PLAGL1: variants seen among roughly 807,000 people sequenced by gnomAD.
The protein encoded by PLAGL1 is PLAG1 like zinc finger 1.
Under a neutral mutation model 4.6 loss-of-function variants are expected in PLAGL1, and 1 was observed. The observed-to-expected ratio is 0.22, with a 90% confidence interval of 0.08 to 1.03. The LOEUF (loss-of-function observed/expected upper bound fraction) is 1.03, where lower values mean the gene tolerates loss of function less well. Ranked by LOEUF, PLAGL1 falls within the 50% of genes least tolerant of loss-of-function variation. The pLI is 0.58. For missense variants in PLAGL1, 464 were observed against 570.4 expected (o/e 0.81, Z 1.90); for synonymous variants, 240 against 237.8 (o/e 1.01, Z -0.08).
rs1780794962 is a variant in PLAGL1 at position 143,950,395 on chromosome 6, T to C, written c.-324-1935A>G. On this transcript the variant is annotated intron_variant, in intron 6 of 7. Coordinates refer to ENST00000674357, the MANE Select transcript of PLAGL1 (RefSeq NM_001317162.2). This position sits in a 1 kb window ranked among gnomAD's most constrained non-coding sequence, Gnocchi z 6.3. The stretch of plus-strand genomic sequence containing the variant: ...TCAACAGCCCTGGTCACAAACAAAA[T>C]AACTCCTTCTAGGAATTCTATTCCG... Among the ~76,000 whole-genome samples the C allele has an allele frequency of 6.6e-6, 1 of 152,168 alleles. No homozygotes were observed. The highest frequency in any genetic ancestry group is 2.4e-5 in the African/African-American group (1 of 41,446).
rs769332223 is a variant in PLAGL1 at position 143,941,634 on chromosome 6, G to A, written c.1182C>T (p.Thr394=). ...LGFWQLPPPA[T]QNTFGNSTLA... is the part of the protein sequence containing the mutation. ...GAGTGCTATTCCCAAAGGTATTTTG[G>A]GTAGCAGGAGGGGGCAGCTGCCAGA... Residue 394 remains threonine, a synonymous_variant, in exon 8 of 8, where the codon ACC becomes ACT. Transcript: ENST00000674357. This position sits in a 1 kb window ranked among gnomAD's most constrained non-coding sequence, Gnocchi z 6.0. 2 of 1,614,170 alleles carry A rather than the reference G, an allele frequency of 1.2e-6. No individual in the cohort carries two copies. The highest frequency in any genetic ancestry group is 2.2e-5 in the South Asian group (2 of 91,078).
intron 1 of PLAGL1, among the ~76,000 whole-genome samples, chr6:143,993,450 C>T (rs961580818): frequency 9.9e-5 from 15 of 151,444 alleles, no homozygotes; most frequent in Non-Finnish European, 1.8e-4. Context: ...AAGAACTATC[C>T]GGTTTCCAGG....
In PLAGL1 at chr6:144,005,133, C is replaced by T. The variant is rs538554917; in HGVS notation, c.-584+2957G>A. 2 of 151,924 alleles carry T rather than the reference C, an allele frequency of 1.3e-5. No individual in the cohort carries two copies. Among genetic ancestry groups the T allele is most frequent in the African/African-American group, 2.4e-5 (1 of 41,374 alleles). 9.4% of individuals were successfully genotyped at this position (151,924 alleles called of 1,614,324 possible). A position where few individuals can be genotyped will look rare whatever the true frequency, so the allele number is the denominator to read the frequency against. On this transcript the variant is annotated intron_variant, in intron 1 of 7. Coordinates refer to ENST00000674357, the MANE Select transcript of PLAGL1 (RefSeq NM_001317162.2). This position sits in a 1 kb window ranked among gnomAD's most constrained non-coding sequence, Gnocchi z 4.6. Reference sequence around the variant, plus strand: ...GCAGTTAAAACCATAAAGCAATTCTCGAATTTCAAAGAATTGTTGGCCTTG... The same window carrying T: ...GCAGTTAAAACCATAAAGCAATTCTTGAATTTCAAAGAATTGTTGGCCTTG...
chr6:144,012,161 T>A (rs1180002811), upstream of PLAGL1, among the ~76,000 whole-genome samples: 1 of 152,158 alleles, frequency 6.6e-6, no homozygotes, highest in Non-Finnish European at 1.5e-5. This position sits in a 1 kb window ranked among gnomAD's most constrained non-coding sequence, Gnocchi z 4.8. Context: ...ACTTTTTTCT[T>A]CTTTGGTTGC....
upstream of PLAGL1, among the ~76,000 whole-genome samples, chr6:144,012,644 C>T (rs1670833568): frequency 1.3e-5 from 2 of 152,054 alleles, no homozygotes; most frequent in South Asian, 4.2e-4. The surrounding 1 kb of genome is among the most constrained non-coding windows in gnomAD (Gnocchi z 4.8). Context: ...ATATGAAATC[C>T]TTTTTTATCT....
At chr6:144,029,990 A>G (rs1796676473) in intron 1 of PLAGL1, among the ~76,000 whole-genome samples, 1 of 152,294 alleles carries the variant, frequency 6.6e-6, no homozygotes, top group African/African-American at 2.4e-5. Context: ...GCGGTGGCTC[A>G]CGCCTGTAAT....
At chr6:143,991,273 C>T (rs888795764) in intron 1 of PLAGL1, among the ~76,000 whole-genome samples, 1 of 152,140 alleles carries the variant, frequency 6.6e-6, no homozygotes, top group African/African-American at 2.4e-5. Context: ...ATTATGCAGA[C>T]CAACTAAGTT....
chr6:143,988,057 G>A (rs1789604269), intron 1 of PLAGL1, among the ~76,000 whole-genome samples: 1 of 152,146 alleles, frequency 6.6e-6, no homozygotes, highest in Non-Finnish European at 1.5e-5. Context: ...GATAAAAACT[G>A]AGAAACACTT....
intron 1 of PLAGL1, among the ~76,000 whole-genome samples, chr6:144,035,882 C>T (rs541630157): frequency 1.3e-3 from 200 of 152,022 alleles, no homozygotes; most frequent in Admixed American, 2.9e-3. Flanking sequence ...TACTAGAGGC[C>T]CTCAAATCAA....
At chr6:144,037,177 A>G (rs1797304354) in intron 1 of PLAGL1, 1 of 153,310 alleles carries the variant, frequency 6.5e-6, no homozygotes. Flanking sequence ...CCACTGAACC[A>G]TTTAAACAGA....
At chr6:143,992,262 C>T (rs1054537960) in intron 1 of PLAGL1, among the ~76,000 whole-genome samples, 21 of 152,194 alleles carry the variant, frequency 1.4e-4, no homozygotes, top group Non-Finnish European at 5.9e-5. Flanking sequence ...TTTTGAACCA[C>T]AGTGGCTGAG....
At chr6:144,019,376 G>T (rs1795807088) in intron 1 of PLAGL1, among the ~76,000 whole-genome samples, 1 of 152,228 alleles carries the variant, frequency 6.6e-6, no homozygotes, top group Admixed American at 6.5e-5. Context: ...GGAGGCTGAG[G>T]CAGGATAGTT....
chr6:143,943,646 TTAAAGG>T (rs1301494809), intron 7 of PLAGL1, among the ~76,000 whole-genome samples: 1 of 151,782 alleles, frequency 6.6e-6, no homozygotes, highest in African/African-American at 2.4e-5. Flanking sequence ...GACTTACTTC[TTAAAGG>T]TCACTGGTAA....
intron 2 of PLAGL1, among the ~76,000 whole-genome samples, chr6:143,977,470 CTTTTT>C (rs34750629): frequency 1.3e-4 from 9 of 69,310 alleles, no homozygotes; most frequent in South Asian, 1.5e-3. Context: ...TCTTCTTCTT[CTTTTT>C]TTTTTTTTTT....
chr6:144,020,172 C>T (rs1795867414), intron 1 of PLAGL1, among the ~76,000 whole-genome samples: 1 of 152,192 alleles, frequency 6.6e-6, no homozygotes, highest in Non-Finnish European at 1.5e-5. Context: ...AGAGCCCTCA[C>T]CACACACTGA....
chr6:143,998,851 G>A (rs1792233125), intron 1 of PLAGL1, among the ~76,000 whole-genome samples: 1 of 152,086 alleles, frequency 6.6e-6, no homozygotes, highest in South Asian at 2.1e-4. Context: ...AACCTTTAGG[G>A]GCTGATGCGT....
rs1008320607 is a variant in PLAGL1, at chr6:144,050,433, A to G, written c.-151+14035T>C. 6.6e-6 allele frequency among the ~76,000 whole-genome samples: 1 copy of G among 152,160 alleles called. No homozygotes were observed. Among genetic ancestry groups the G allele is most frequent in the African/African-American group, 2.4e-5 (1 of 41,416 alleles). On this transcript the variant is annotated intron_variant, in intron 1 of 3. Coordinates refer to the PLAGL1 transcript ENST00000437412. This position sits in a 1 kb window ranked among gnomAD's most constrained non-coding sequence, Gnocchi z 4.3. ...CCTTCTCAGAGCATTTTTATCGCTCATATGTTATTCTCTTTTCTTCTGTCT... is the reference window on the plus strand; with the variant it reads ...CCTTCTCAGAGCATTTTTATCGCTCGTATGTTATTCTCTTTTCTTCTGTCT...
At chr6:144,035,278 C>CA (rs1236596050) in intron 1 of PLAGL1, among the ~76,000 whole-genome samples, 1 of 152,130 alleles carries the variant, frequency 6.6e-6, no homozygotes, top group Admixed American at 6.6e-5. Context: ...ACCAAAAACT[C>CA]AAAGATAGGG....
chr6:144,002,574 C>T (rs1182134065), intron 1 of PLAGL1, among the ~76,000 whole-genome samples: 1 of 151,722 alleles, frequency 6.6e-6, no homozygotes, highest in Non-Finnish European at 1.5e-5. Flanking sequence ...GTGAATTTAG[C>T]AAGCGCACAA....
Sources: gnomAD v4.1 joint callset for allele counts (sites outside exome capture counted in the v4.1 genomes callset) on GRCh38, gnomAD v4.1.1 for gene constraint, Gnocchi (gnomAD v3.1) non-coding constraint, MANE v1.5 for transcripts, NCBI Gene and HGNC (gene_info 2026-07-23, HGNC 2026-07-21) for gene names.